The following RFTN1 variants were observed in gnomAD, a reference collection of about 807,000 sequenced individuals.
RFTN1 encodes raftlin.
RFTN1 carries 26 observed loss-of-function variants against 46.5 expected under a neutral mutation model. The ratio of observed to expected loss-of-function variants is 0.56; its 90% CI spans 0.41 to 0.78. The LOEUF (loss-of-function observed/expected upper bound fraction) is 0.78, where lower values mean the gene tolerates loss of function less well. Among genes scored for constraint, RFTN1 ranks in the 30% least tolerant of loss-of-function variants. The pLI is 0.00. For missense variants in RFTN1, 693 were observed against 718.7 expected (o/e 0.96, Z 0.41); for synonymous variants, 261 against 284.2 (o/e 0.92, Z 0.82).
At position 16,452,951 on chromosome 3, in the gene RFTN1, T is replaced by G. The variant is rs1315082918; in HGVS notation, c.146-18914A>C. Among the ~76,000 whole-genome samples, 1 of 152,136 alleles carries G rather than the reference T, an allele frequency of 6.6e-6. No individual in the cohort carries two copies. Among genetic ancestry groups the G allele is most frequent in the African/African-American group, 2.4e-5 (1 of 41,434 alleles). On this transcript the variant is annotated intron_variant, in intron 2 of 9. Coordinates refer to ENST00000334133, the MANE Select transcript of RFTN1 (RefSeq NM_015150.2). The surrounding 1 kb of genome is among the most constrained non-coding windows in gnomAD (Gnocchi z 6.3). ...AAGCCCTTAAAAATGAGAATGAGGA[T>G]GATGATGATGATGATAGAAGTATTA... is the stretch of plus-strand genomic sequence containing the variant.
intron 2 of RFTN1, among the ~76,000 whole-genome samples, chr3:16,469,313 C>T (rs1036374116): frequency 6.6e-6 from 1 of 152,172 alleles, no homozygotes; most frequent in African/African-American, 2.4e-5. Context: ...ATATTAGGTG[C>T]TATGTGAGTC....
In RFTN1 at chr3:16,484,900, T is replaced by C. The variant is rs1306353980; in HGVS notation, c.145+8825A>G. 2.0e-5 allele frequency: 3 copies of C among 152,244 alleles called. No homozygotes were observed. The highest frequency in any genetic ancestry group is 4.4e-5 in the Non-Finnish European group (3 of 68,040). The allele number at this position is 152,244 out of a possible 1,614,324, so 9.4% of individuals were successfully genotyped here. Reference sequence around the variant, plus strand: ...CGTGGGGGTGACTCCACCTACCTCATAAGATTGTTGTTAGTTTGTTTAGAA... The same window carrying C: ...CGTGGGGGTGACTCCACCTACCTCACAAGATTGTTGTTAGTTTGTTTAGAA... On this transcript the variant is annotated intron_variant, in intron 2 of 9. Transcript: ENST00000334133. The surrounding 1 kb of genome is among the most constrained non-coding windows in gnomAD (Gnocchi z 4.6).
chr3:16,367,295 TAATTCTGGGA>T (rs2073247754), intron 6 of RFTN1, among the ~76,000 whole-genome samples: 1 of 151,896 alleles, frequency 6.6e-6, no homozygotes, highest in South Asian at 2.1e-4. Context: ...TTTTTTTTCT[TAATTCTGGGA>T]AAAGATCACA....
Position 16,342,157 on chromosome 3 carries a change from A to ACC in RFTN1, c.1147-15283_1147-15282dup, listed in dbSNP as rs889946083. Among the ~76,000 whole-genome samples the ACC allele has an allele frequency of 6.6e-6, 1 of 151,370 alleles. No homozygotes were observed. On this transcript the variant is annotated intron_variant, in intron 7 of 9. Transcript: ENST00000334133. The surrounding 1 kb of genome is among the most constrained non-coding windows in gnomAD (Gnocchi z 4.0). Reference sequence around the variant, plus strand: ...AATCTAAGTTTAGACCACTTTCATCACCCCCCACACCAATACCCTGTACCT... The same window carrying ACC: ...AATCTAAGTTTAGACCACTTTCATCACCCCCCCCACACCAATACCCTGTACCT...
chr3:16,395,912 G>C (rs1475083521), intron 4 of RFTN1, among the ~76,000 whole-genome samples: 1 of 152,108 alleles, frequency 6.6e-6, no homozygotes, highest in East Asian at 1.9e-4. Context: ...AAAGAAACCT[G>C]TAAAAACTTG....
chr3:16,434,081 G>A (rs189420303), intron 2 of RFTN1, 44 bp from the exon 3 acceptor site: 23 of 1,476,980 alleles, frequency 1.6e-5, no homozygotes, highest in South Asian at 8.1e-5. Context: ...CCATCACAAC[G>A]CCCACTCAGC....
In RFTN1 at chr3:16,376,649, A is replaced by C. The variant is rs540373153; in HGVS notation, c.826+1069T>G. Among the ~76,000 whole-genome samples, 157 of 152,364 alleles carry C rather than the reference A, an allele frequency of 1.0e-3. No individual in the cohort carries two copies. The highest frequency in any genetic ancestry group is 7.9e-3 in the South Asian group (38 of 4,834). On this transcript the variant is annotated intron_variant, in intron 5 of 9. Transcript: ENST00000334133. This position sits in a 1 kb window ranked among gnomAD's most constrained non-coding sequence, Gnocchi z 4.7. ...TCACACAGATGAAGGGCTCTACTTC[A>C]GTGCATACTAAGAAGGCTCAATGCC...
Position 16,317,102 on chromosome 3 carries a change from G to C in RFTN1, c.1463C>G (p.Ala488Gly), listed in dbSNP as rs2068486674. The change falls in exon 10 of 10, where the codon GCT (alanine) becomes GGT (glycine). Residue 488 changes from alanine to glycine, a missense_variant. Ala to Gly is a moderately conservative substitution (Grantham distance 60). Transcript: ENST00000334133. This position sits in a 1 kb window ranked among gnomAD's most constrained non-coding sequence, Gnocchi z 4.3. ...EKNLEDQSSKAGDMGNCVSGQ... is the reference protein window; with the variant it reads ...EKNLEDQSSKGGDMGNCVSGQ... ...TGAAACACAGTTTCCCATGTCTCCAGCTTTGGAAGACTGGTCTTCTAAGTT... is the reference window on the plus strand; with the variant it reads ...TGAAACACAGTTTCCCATGTCTCCACCTTTGGAAGACTGGTCTTCTAAGTT... The C allele has an allele frequency of 6.2e-7, 1 of 1,613,820 alleles. No individual in the cohort carries two copies. Among genetic ancestry groups the C allele is most frequent in the Non-Finnish European group, 8.5e-7 (1 of 1,180,018 alleles).
chr3:16,414,431 C>T (rs370526699), intron 3 of RFTN1, among the ~76,000 whole-genome samples: 1 of 151,488 alleles, frequency 6.6e-6, no homozygotes, highest in African/African-American at 2.4e-5. Context: ...ACATGGCAAA[C>T]CCCCATCTCT....
At chr3:16,323,054 C>T (rs1418211480) in intron 9 of RFTN1, among the ~76,000 whole-genome samples, 2 of 152,206 alleles carry the variant, frequency 1.3e-5, no homozygotes, top group Non-Finnish European at 2.9e-5. Context: ...ATCCCCACCC[C>T]ATGGTCAGGC....
At chr3:16,406,512 C>T (rs957529898) in intron 4 of RFTN1, among the ~76,000 whole-genome samples, 3 of 152,172 alleles carry the variant, frequency 2.0e-5, no homozygotes, top group Admixed American at 1.3e-4. Flanking sequence ...GGAGACACTG[C>T]GGGTCAGAAA....
intron 2 of RFTN1, among the ~76,000 whole-genome samples, chr3:16,469,780 T>C (rs1046439162): frequency 6.6e-6 from 1 of 152,214 alleles, no homozygotes; most frequent in African/African-American, 2.4e-5. Context: ...ACAACAGCAC[T>C]GACTGGACAC....
chr3:16,352,081 T>G lies in RFTN1; in HGVS notation c.1146+5851A>C, dbSNP rs1051339317. ...TTACATACTTTACATTCAAATAAAA[T>G]GTGTAAGATAGGAATCTGATTTGCT... On this transcript the variant is annotated intron_variant, in intron 7 of 9. Coordinates refer to ENST00000334133, the MANE Select transcript of RFTN1 (RefSeq NM_015150.2). This position sits in a 1 kb window ranked among gnomAD's most constrained non-coding sequence, Gnocchi z 4.6. 1.3e-5 allele frequency among the ~76,000 whole-genome samples: 2 copies of G among 152,206 alleles called. No individual in the cohort carries two copies. The highest frequency in any genetic ancestry group is 4.8e-5 in the African/African-American group (2 of 41,458).
intron 2 of RFTN1, among the ~76,000 whole-genome samples, chr3:16,437,722 C>T (rs1335357838): frequency 5.9e-5 from 9 of 152,020 alleles, no homozygotes; most frequent in East Asian, 1.9e-4. Context: ...AGCTCCAATA[C>T]GGCTTGCACA....
chr3:16,415,100 T>A (rs2075049150), intron 3 of RFTN1, among the ~76,000 whole-genome samples: 1 of 152,036 alleles, frequency 6.6e-6, no homozygotes, highest in Non-Finnish European at 1.5e-5. Flanking sequence ...TGATGATGGC[T>A]CAGAGTGGGT....
chr3:16,476,328 A>G (rs2076281099), intron 2 of RFTN1, among the ~76,000 whole-genome samples: 1 of 152,260 alleles, frequency 6.6e-6, no homozygotes, highest in South Asian at 2.1e-4. Context: ...TCATTCAACA[A>G]GCATCCTCAG....
rs1275103924 is a variant in RFTN1, at chr3:16,346,307, A to C, written c.1146+11625T>G. 2 of 152,212 alleles carry C rather than the reference A, an allele frequency of 1.3e-5. No homozygotes were observed. The highest frequency in any genetic ancestry group is 2.1e-4 in the South Asian group (1 of 4,830). 9.4% of individuals were successfully genotyped at this position (152,212 alleles called of 1,614,324 possible). A position where few individuals can be genotyped will look rare whatever the true frequency, so the allele number is the denominator to read the frequency against. On this transcript the variant is annotated intron_variant, in intron 7 of 9. Transcript: ENST00000334133. This position sits in a 1 kb window ranked among gnomAD's most constrained non-coding sequence, Gnocchi z 4.4. Reference sequence around the variant, plus strand: ...GAACTCAATATTTATTTGTTGGATAAATTTTTAAAAAGATATAACTTACTT... The same window carrying C: ...GAACTCAATATTTATTTGTTGGATACATTTTTAAAAAGATATAACTTACTT...
At chr3:16,414,344 C>T (rs114426744) in intron 3 of RFTN1, among the ~76,000 whole-genome samples, 12,040 of 150,764 alleles carry the variant, frequency 0.08, 643 homozygotes, top group East Asian at 0.13. Flanking sequence ...CAGTGGCTCA[C>T]GCCAGTAATC....
chr3:16,512,911 C>T lies in RFTN1; in HGVS notation c.-9+531G>A, dbSNP rs1388076471. On this transcript the variant is annotated intron_variant, in intron 1 of 9. Coordinates refer to ENST00000334133, the MANE Select transcript of RFTN1 (RefSeq NM_015150.2). This position sits in a 1 kb window ranked among gnomAD's most constrained non-coding sequence, Gnocchi z 4.3. ...CCTACACGTCCAGCACCTCTGTCCC[C>T]AGAGCAAACCCACCTCCCAGGGCAC... 3 of 152,282 alleles carry T rather than the reference C, an allele frequency of 2.0e-5. No individual in the cohort carries two copies. Among genetic ancestry groups the T allele is most frequent in the Non-Finnish European group, 2.9e-5 (2 of 68,146 alleles). 9.4% of individuals were successfully genotyped at this position (152,282 alleles called of 1,614,324 possible). A position where few individuals can be genotyped will look rare whatever the true frequency, so the allele number is the denominator to read the frequency against.
Sources: allele counts gnomAD v4.1 joint callset (sites outside exome capture counted in the v4.1 genomes callset), GRCh38; gene constraint gnomAD v4.1.1; non-coding constraint Gnocchi (gnomAD v3.1); transcripts MANE v1.5; gene names NCBI Gene and HGNC (gene_info 2026-07-23, HGNC 2026-07-21).